Variants in DDX50 observed in about 807,000 individuals in gnomAD.
The protein encoded by DDX50 is DExD-box helicase 50.
In DDX50, 56 loss-of-function variants were observed where a neutral mutation model predicts 94.8. The observed-to-expected ratio is 0.59, with a 90% CI of 0.48 to 0.74. The LOEUF (loss-of-function observed/expected upper bound fraction) is 0.74, where lower values mean the gene tolerates loss of function less well. DDX50 is among the 30% of genes least tolerant of loss of function. DDX50 has a pLI of 0.00. For missense variants in DDX50, 713 were observed against 881.2 expected (o/e 0.81, Z 2.42); for synonymous variants, 264 against 295.4 (o/e 0.89, Z 1.09).
intron 8 of DDX50, 119 bp downstream of exon 8, chr10:68,920,100 C>A: frequency 7.9e-7 from 1 of 1,273,856 alleles, no homozygotes; most frequent in Non-Finnish European, 1.1e-6. Context: ...AGTTGTAAGG[C>A]TGGGCATGGT....
intron 10 of DDX50, 141 bp from the exon 11 acceptor site, chr10:68,935,865 A>G: frequency 1.6e-6 from 1 of 630,524 alleles, no homozygotes; most frequent in Non-Finnish European, 2.6e-6. Context: ...AACAAAAAAG[A>G]TAAAACTGAT....
intron 8 of DDX50, among the ~76,000 whole-genome samples, chr10:68,926,774 T>TAC (rs67773821): frequency 0.12 from 16,946 of 140,258 alleles, 936 homozygotes; most frequent in Non-Finnish European, 0.14. Flanking sequence ...CACACAGAGA[T>TAC]ACACACACAC....
intron 12 of DDX50, among the ~76,000 whole-genome samples, chr10:68,939,085 CAT>C (rs958861887): frequency 6.6e-6 from 1 of 152,114 alleles, no homozygotes; most frequent in African/African-American, 2.4e-5. Context: ...ATATGTACCT[CAT>C]ATTGCATCAC....
intron 1 of DDX50, among the ~76,000 whole-genome samples, chr10:68,903,599 G>A (rs541734810): frequency 6.6e-6 from 1 of 150,816 alleles, no homozygotes; most frequent in East Asian, 2.0e-4. Flanking sequence ...TCAGGAGTTC[G>A]AGACCAGCCT....
chr10:68,910,460 T>C, intron 3 of DDX50, 78 bp downstream of exon 3: 4 of 1,219,384 alleles, frequency 3.3e-6, no homozygotes, highest in Admixed American at 2.4e-5. Flanking sequence ...TGGAGTGCAG[T>C]GGGGCAGTCT....
intron 12 of DDX50, 108 bp downstream of exon 12, chr10:68,937,203 C>A: frequency 8.2e-7 from 1 of 1,222,842 alleles, no homozygotes; most frequent in South Asian, 2.1e-5. Flanking sequence ...AACTGTTTTG[C>A]TCTATGAGAA....
At chr10:68,904,532 T>C (rs1198094642) in intron 1 of DDX50, among the ~76,000 whole-genome samples, 1 of 152,070 alleles carries the variant, frequency 6.6e-6, no homozygotes, top group Non-Finnish European at 1.5e-5. Context: ...AGAGGAACCA[T>C]TGAAGAAGAT....
rs200147426 is a variant in DDX50, at chr10:68,926,805, A to ACACACACT, written c.1239+6827_1239+6828insACACTCAC. On this transcript the variant is annotated intron_variant, in intron 8 of 14. Transcript: ENST00000373585. ...CACACACACACACACACACACACAC[A>ACACACACT]CACTTTTGGAAAAAAAAATTATTCA... Among the ~76,000 whole-genome samples, 241 of 151,242 alleles carry ACACACACT rather than the reference A, an allele frequency of 1.6e-3. 3 individuals are homozygous for ACACACACT. Among genetic ancestry groups the ACACACACT allele is most frequent in the African/African-American group, 5.6e-3 (230 of 41,092 alleles).
At position 68,906,935 on chromosome 10, in the gene DDX50, T is replaced by A. The variant is rs1182995312; in HGVS notation, c.312T>A (p.Tyr104Ter). The change falls in exon 2 of 15, where the codon TAT (tyrosine) becomes TAA (stop). Residue 104 changes from tyrosine to a stop codon, truncating the protein, a stop_gained. Transcript: ENST00000373585. LOFTEE classifies it high-confidence loss of function. Reference protein sequence around the residue: ...KDLPNGDIDEYEKKSKRVSSL... With the variant: ...KDLPNGDIDE ...TACCAAATGGAGATATAGATGAATA[T>A]GAAAAAAAATCAAAGCGAGTATCAT... is the stretch of plus-strand genomic sequence containing the variant. 6.3e-7 allele frequency: 1 copy of A among 1,598,632 alleles called. No individual in the cohort carries two copies. Among genetic ancestry groups the A allele is most frequent in the Non-Finnish European group, 8.5e-7 (1 of 1,176,474 alleles).
chr10:68,908,092 G>A (rs991030923), intron 2 of DDX50, among the ~76,000 whole-genome samples: 11 of 152,116 alleles, frequency 7.2e-5, no homozygotes, highest in Non-Finnish European at 1.5e-4. Flanking sequence ...TACTATAGCT[G>A]TATAATAGAA....
At chr10:68,945,602 C>T (rs542117014) in intron 14 of DDX50, among the ~76,000 whole-genome samples, 19 of 152,092 alleles carry the variant, frequency 1.2e-4, no homozygotes, top group African/African-American at 3.4e-4. Flanking sequence ...CTACTGTGCC[C>T]GGCCAATAAC....
In DDX50 at chr10:68,941,744, G is replaced by A. The variant is rs1275895983; in HGVS notation, c.1890+550G>A. Reference sequence around the variant, plus strand: ...AACCTATGCCTCCTGGGTTCAAGCAGTTCTCCTGCCTCAGCCTCCTGAGTA... The same window carrying A: ...AACCTATGCCTCCTGGGTTCAAGCAATTCTCCTGCCTCAGCCTCCTGAGTA... On this transcript the variant is annotated intron_variant, in intron 13 of 14. Coordinates refer to ENST00000373585, the MANE Select transcript of DDX50 (RefSeq NM_024045.2). Among the ~76,000 whole-genome samples the A allele has an allele frequency of 3.9e-5, 6 of 151,994 alleles. 1 individual carries two copies. Among genetic ancestry groups the A allele is most frequent in the Admixed American group, 3.9e-4 (6 of 15,254 alleles).
At chr10:68,907,073 A>T in intron 2 of DDX50, 66 bp downstream of exon 2, 1 of 1,443,672 alleles carries the variant, frequency 6.9e-7, no homozygotes, top group Non-Finnish European at 9.3e-7. Flanking sequence ...GAATTTTTTT[A>T]GGCTAATTAG....
At position 68,903,253 on chromosome 10, in the gene DDX50, C is replaced by T. The variant is rs183098017; in HGVS notation, c.87+1782C>T. The stretch of plus-strand genomic sequence containing the variant: ...CTCTACAAAAAATAAAAAAATTAGC[C>T]GGGTGCGGTGGCTCATGCCTGTAAT... On this transcript the variant is annotated intron_variant, in intron 1 of 14. Coordinates refer to ENST00000373585, the MANE Select transcript of DDX50 (RefSeq NM_024045.2). 6.7e-3 allele frequency among the ~76,000 whole-genome samples: 1,013 copies of T among 152,060 alleles called. 15 individuals are homozygous for T. The highest frequency in any genetic ancestry group is 0.023 in the African/African-American group (938 of 41,488).
At chr10:68,920,129 T>C (rs1841901807) in intron 8 of DDX50, 148 bp downstream of exon 8, 3 of 924,406 alleles carry the variant, frequency 3.2e-6, no homozygotes, top group Admixed American at 2.6e-5. Context: ...CCTGTAATCC[T>C]GTGACCTGAT....
At chr10:68,926,283 G>A (rs74407558) in intron 8 of DDX50, among the ~76,000 whole-genome samples, 4,296 of 149,916 alleles carry the variant, frequency 0.029, 220 homozygotes, top group African/African-American at 0.1. Flanking sequence ...CTTTCTTTTC[G>A]TTGCTTTAAA....
At chr10:68,912,027 T>G (rs1361091349) in intron 4 of DDX50, among the ~76,000 whole-genome samples, 1 of 152,216 alleles carries the variant, frequency 6.6e-6, no homozygotes, top group African/African-American at 2.4e-5. Flanking sequence ...TAAGAGCAAA[T>G]TAACATACAT....
Position 68,917,850 on chromosome 10 carries a change from G to A in DDX50, c.1090-1982G>A, listed in dbSNP as rs540267080. Among the ~76,000 whole-genome samples, 19 of 152,172 alleles carry A rather than the reference G, an allele frequency of 1.2e-4. No individual in the cohort carries two copies. The South Asian group carries it at 1.5e-3, about 12-fold the overall frequency. On this transcript the variant is annotated intron_variant, in intron 7 of 14. Transcript: ENST00000373585. ...AGTCCTCACCTCACGTGATCCACCT[G>A]CCTCCGGCTCCCAAAGTGCTGGGAT...
chr10:68,906,915 A>G lies in DDX50; in HGVS notation c.292A>G (p.Asn98Asp). The G allele has an allele frequency of 6.2e-7, 1 of 1,609,196 alleles. No individual in the cohort carries two copies. Among genetic ancestry groups the G allele is most frequent in the South Asian group, 1.1e-5 (1 of 89,460 alleles). The stretch of plus-strand genomic sequence containing the variant: ...TAAGTCAAGAAGAAAAGATCTACCA[A>G]ATGGAGATATAGATGAATATGAAAA... The part of the protein sequence containing the change: ...SHKSRRKDLP[N>D]GDIDEYEKKS... Residue 98 changes from asparagine (N) to aspartate (D), a missense_variant, in exon 2 of 15, where the codon AAT (asparagine) becomes GAT (aspartate). Asn to Asp is a conservative substitution (Grantham distance 23). Around this residue, in one of 2 missense-constraint regions of DDX50, gnomAD observed 285 missense variants for 278.9 expected, o/e 1.02. Transcript: ENST00000373585.
Sources: allele counts gnomAD v4.1 joint callset (sites outside exome capture counted in the v4.1 genomes callset), GRCh38; gene constraint gnomAD v4.1.1; regional missense constraint gnomAD v4.1.1; transcripts MANE v1.5; gene names NCBI Gene and HGNC (gene_info 2026-07-23, HGNC 2026-07-21).